Variants in BTBD8 observed in about 807,000 individuals in gnomAD.
BTBD8 encodes the protein BTB/POZ domain-containing protein 8.
In BTBD8, 110 loss-of-function variants were observed where a neutral mutation model predicts 162.9. The ratio of observed to expected loss-of-function variants is 0.68; its 90% CI spans 0.58 to 0.79. The LOEUF (loss-of-function observed/expected upper bound fraction) is 0.79, where lower values mean the gene tolerates loss of function less well. Ranked by LOEUF, BTBD8 falls within the 30% of genes least tolerant of loss-of-function variation. The pLI is 0.00. For synonymous variants in BTBD8, 667 were observed against 716.1 expected (o/e 0.93, Z 1.10); for missense variants, 1,905 against 2,085.4 (o/e 0.91, Z 1.68).
intron 5 of BTBD8, among the ~76,000 whole-genome samples, chr1:92,132,102 C>G (rs1649530946): frequency 1.3e-5 from 2 of 152,220 alleles, no homozygotes; most frequent in African/African-American, 4.8e-5. Context: ...TGTTCTTGAG[C>G]TAGCTCAGAC....
chr1:92,167,760 A>G, intron 10 of BTBD8, 88 bp from the exon 11 acceptor site: 1 of 1,043,696 alleles, frequency 9.6e-7, no homozygotes, highest in South Asian at 2.1e-5. Context: ...TCATACAGCT[A>G]GTTATAATGA....
intron 9 of BTBD8, among the ~76,000 whole-genome samples, chr1:92,153,814 C>G (rs1489662653): frequency 6.6e-6 from 1 of 152,140 alleles, no homozygotes; most frequent in Non-Finnish European, 1.5e-5. Context: ...CTGCAGTGAA[C>G]ATGGTAGTGC....
chr1:92,114,235 C>T (rs1648977948), intron 4 of BTBD8, among the ~76,000 whole-genome samples: 1 of 151,822 alleles, frequency 6.6e-6, no homozygotes, highest in Non-Finnish European at 1.5e-5. Context: ...GATTATCTAT[C>T]GATATTCAAC....
chr1:92,158,395 A>G (rs763079906), intron 9 of BTBD8, among the ~76,000 whole-genome samples: 1 of 151,676 alleles, frequency 6.6e-6, no homozygotes, highest in East Asian at 1.9e-4. Context: ...TATAACTTCT[A>G]TATGTATTTT....
chr1:92,106,714 A>G (rs984559482), intron 3 of BTBD8, among the ~76,000 whole-genome samples: 4 of 142,042 alleles, frequency 2.8e-5, no homozygotes, highest in African/African-American at 1.0e-4. Flanking sequence ...AGGGGCCCCT[A>G]CAAACCAAAC....
At position 92,182,443 on chromosome 1, in the gene BTBD8, A is replaced by G; in HGVS notation, c.4760A>G (p.Asp1587Gly). The G allele has an allele frequency of 2.6e-6, 4 of 1,551,580 alleles. No homozygotes were observed. The highest frequency in any genetic ancestry group is 3.5e-6 in the Non-Finnish European group (4 of 1,146,886). ...TCTCAAGAAAGACCATGTCACTTGG[A>G]TCTTCATCAAAGAGAACCCAATTCT... ...VKSQERPCHL[D>G]LHQREPNSDI... The change falls in exon 17 of 18, where the codon GAT becomes GGT. Residue 1587 changes from aspartate (D) to glycine (G), a missense_variant. Physicochemically the swap from Asp to Gly is moderately conservative, Grantham distance 94. Around this residue, in one of 3 missense-constraint regions of BTBD8, gnomAD observed 517 missense variants for 606.6 expected, o/e 0.85. Coordinates refer to ENST00000636805, the MANE Select transcript of BTBD8 (RefSeq NM_001376131.1).
In BTBD8 at chr1:92,181,212, A is replaced by G. The variant is rs948434350; in HGVS notation, c.3529A>G (p.Ser1177Gly). The part of the protein sequence containing the change: ...KVPVEGLTIP[S>G]KLSDESAMDE... ...TCCTGTGGAAGGACTGACAATTCCTAGTAAGTTGTCAGATGAATCTGCTAT... is the reference window on the plus strand; with the variant it reads ...TCCTGTGGAAGGACTGACAATTCCTGGTAAGTTGTCAGATGAATCTGCTAT... The change falls in exon 17 of 18, where the codon AGT becomes GGT. Residue 1177 changes from serine to glycine, a missense_variant. Transcript: ENST00000636805. 7 of 1,551,672 alleles carry G rather than the reference A, an allele frequency of 4.5e-6. No individual in the cohort carries two copies. In the Admixed American group the frequency reaches 7.8e-5, roughly 17 times the overall value.
intron 2 of BTBD8, among the ~76,000 whole-genome samples, chr1:92,094,746 C>A (rs1243361418): frequency 6.6e-6 from 1 of 152,160 alleles, no homozygotes; most frequent in African/African-American, 2.4e-5. Flanking sequence ...CCCAAGAAGA[C>A]TAACCTGGTT....
intron 4 of BTBD8, among the ~76,000 whole-genome samples, chr1:92,119,857 G>A (rs1649147562): frequency 6.9e-6 from 1 of 143,984 alleles, no homozygotes; most frequent in Non-Finnish European, 1.5e-5. Context: ...TCTGCCCGAG[G>A]GATTACAGGC....
intron 16 of BTBD8, 119 bp from the exon 17 acceptor site, chr1:92,180,146 C>T: frequency 2.9e-6 from 2 of 682,602 alleles, no homozygotes; most frequent in Non-Finnish European, 4.7e-6. Flanking sequence ...GATATGTTAC[C>T]CTTCCATTGT....
At chr1:92,119,329 A>G (rs549476068) in intron 4 of BTBD8, among the ~76,000 whole-genome samples, 1 of 137,104 alleles carries the variant, frequency 7.3e-6, no homozygotes, top group South Asian at 2.2e-4. Flanking sequence ...TCTGTCATCC[A>G]GGCTGGAGTA....
At chr1:92,144,661 A>G (rs1369873117) in intron 7 of BTBD8, among the ~76,000 whole-genome samples, 1 of 151,864 alleles carries the variant, frequency 6.6e-6, no homozygotes, top group Non-Finnish European at 1.5e-5. Context: ...TTTAAAAAAA[A>G]TTAGCCAGGC....
Position 92,181,857 on chromosome 1 carries a change from G to A in BTBD8, c.4174G>A (p.Ala1392Thr). ...ADETEDERSE[A>T]ENVAENFSIS... ...TGAAACAGAAGATGAAAGATCTGAA[G>A]CTGAAAACGTTGCAGAAAATTTCTC... The change falls in exon 17 of 18, where the codon GCT (alanine) becomes ACT (threonine). Residue 1392 changes from alanine to threonine, a missense_variant. This residue lies in a region of BTBD8 where 517 missense variants were observed against 606.6 expected (regional missense o/e 0.85). Coordinates refer to ENST00000636805, the MANE Select transcript of BTBD8 (RefSeq NM_001376131.1). 1 of 1,550,976 alleles carries A rather than the reference G, an allele frequency of 6.4e-7. No homozygotes were observed.
intron 6 of BTBD8, 79 bp from the exon 7 acceptor site, chr1:92,141,036 T>C (rs952117689): frequency 4.8e-5 from 62 of 1,294,878 alleles, no homozygotes; most frequent in Admixed American, 8.4e-5. Context: ...AAACAGACTA[T>C]ATATTATCAA....
At chr1:92,178,160 A>G (rs571889530) in intron 15 of BTBD8, among the ~76,000 whole-genome samples, 152 bp from the exon 16 acceptor site, 1 of 152,284 alleles carries the variant, frequency 6.6e-6, no homozygotes, top group Admixed American at 6.5e-5. Context: ...CAGTTTTATA[A>G]ACTTAAAAAG....
At chr1:92,093,198 T>TA (rs1430407332) in intron 2 of BTBD8, among the ~76,000 whole-genome samples, 2 of 149,128 alleles carry the variant, frequency 1.3e-5, no homozygotes, top group Non-Finnish European at 3.0e-5. Context: ...TTTTTTTTTT[T>TA]TTTTTTTTTT....
chr1:92,120,102 T>C (rs1223885087), intron 4 of BTBD8, among the ~76,000 whole-genome samples: 1 of 151,838 alleles, frequency 6.6e-6, no homozygotes, highest in Non-Finnish European at 1.5e-5. Context: ...GGTTTCACCA[T>C]CTCTAACTTG....
intron 4 of BTBD8, among the ~76,000 whole-genome samples, chr1:92,126,976 T>A (rs1230623393): frequency 6.6e-6 from 1 of 152,150 alleles, no homozygotes; most frequent in Non-Finnish European, 1.5e-5. Flanking sequence ...ATTAAACTAG[T>A]TTAACAGTGG....
Position 92,182,528 on chromosome 1 carries a change from T to C in BTBD8, c.4845T>C (p.Pro1615=), listed in dbSNP as rs747833612. ...SLDSFRSQVL[P]QEGPVKESHS... ...ACTCCTTTCGGAGTCAAGTTCTGCCTCAGGAAGGTCCAGTGAAAGAGAGCC... is the reference window on the plus strand; with the variant it reads ...ACTCCTTTCGGAGTCAAGTTCTGCCCCAGGAAGGTCCAGTGAAAGAGAGCC... Residue 1615 remains proline (P), a synonymous_variant, in exon 17 of 18, where the codon CCT becomes CCC. Coordinates refer to ENST00000636805, the MANE Select transcript of BTBD8 (RefSeq NM_001376131.1). The C allele has an allele frequency of 1.6e-5, 25 of 1,542,948 alleles. No individual in the cohort carries two copies. In the South Asian group the frequency reaches 3.1e-4, roughly 19 times the overall value.
Sources: gnomAD v4.1 joint callset for allele counts (sites outside exome capture counted in the v4.1 genomes callset) on GRCh38, gnomAD v4.1.1 for gene constraint, gnomAD v4.1.1 regional missense constraint, MANE v1.5 for transcripts, NCBI Gene and HGNC (gene_info 2026-07-23, HGNC 2026-07-21) for gene names.